Variants in ZNF700 observed in about 807,000 individuals in gnomAD.
The protein encoded by ZNF700 is zinc finger protein 700.
In ZNF700, 38 loss-of-function variants were observed where a neutral mutation model predicts 65.3. That is an observed-to-expected ratio of 0.58 (90% CI 0.45 to 0.76). The LOEUF is 0.76. Ranked by LOEUF, ZNF700 falls within the 30% of genes least tolerant of loss-of-function variation. The pLI, the probability that ZNF700 is intolerant of heterozygous loss-of-function variation, is 0.00. For missense variants in ZNF700, 857 were observed against 888.4 expected (o/e 0.96, Z 0.45); for synonymous variants, 285 against 290.4 (o/e 0.98, Z 0.19).
At position 11,946,834 on chromosome 19, in the gene ZNF700, G is replaced by T. The variant is rs186712936; in HGVS notation, c.64-347G>T. ...AGACAAGACAACACTCACACTACAA[G>T]AGGGAAAGGGTAAAGGTCACTCACG... On this transcript the variant is annotated intron_variant, in intron 1 of 3. Transcript: ENST00000254321. The T allele has an allele frequency of 1.5e-4, 31 of 200,528 alleles. No individual in the cohort carries two copies. In the East Asian group the frequency reaches 3.3e-3, roughly 22 times the overall value. The allele number at this position is 200,528 out of a possible 1,614,324, so 12.4% of individuals were successfully genotyped here. A position where few individuals can be genotyped will look rare whatever the true frequency, so the allele number is the denominator to read the frequency against.
At chr19:11,946,077 G>A (rs1281432246) in intron 1 of ZNF700, among the ~76,000 whole-genome samples, 1 of 152,172 alleles carries the variant, frequency 6.6e-6, no homozygotes, top group Non-Finnish European at 1.5e-5. Context: ...GCTCGTTAGG[G>A]GCACCTGAGC....
chr19:11,937,187 C>T (rs1225523301), intron 1 of ZNF700, among the ~76,000 whole-genome samples: 4 of 152,210 alleles, frequency 2.6e-5, no homozygotes, highest in East Asian at 1.9e-4. Flanking sequence ...ACAAGTGTTA[C>T]GTTCTAGAAG....
rs895121553 is a variant in ZNF700, at chr19:11,927,707, T to C, written c.63+2434T>C. Among the ~76,000 whole-genome samples the C allele has an allele frequency of 2.6e-5, 4 of 152,306 alleles. No homozygotes were observed. The South Asian group carries it at 8.3e-4, about 32-fold the overall frequency. Reference sequence around the variant, plus strand: ...GTGCATTAAAACATAACTATAATTATCTTGAAAGCACATATTGTTATAGGT... The same window carrying C: ...GTGCATTAAAACATAACTATAATTACCTTGAAAGCACATATTGTTATAGGT... On this transcript the variant is annotated intron_variant, in intron 1 of 3. Coordinates refer to ENST00000254321, the MANE Select transcript of ZNF700 (RefSeq NM_144566.3).
intron 1 of ZNF700, among the ~76,000 whole-genome samples, chr19:11,938,408 C>T (rs1304628313): frequency 2.6e-5 from 4 of 152,198 alleles, no homozygotes; most frequent in Non-Finnish European, 5.9e-5. Context: ...TGACAGGCCC[C>T]GGTGTGTGAT....
chr19:11,945,703 G>T (rs944938845), intron 1 of ZNF700, among the ~76,000 whole-genome samples: 2 of 151,988 alleles, frequency 1.3e-5, no homozygotes, highest in Non-Finnish European at 2.9e-5. Context: ...GTTAAGAAAA[G>T]TCTTCATTCC....
chr19:11,943,818 A>G (rs1042098632), intron 1 of ZNF700, among the ~76,000 whole-genome samples: 1 of 152,226 alleles, frequency 6.6e-6, no homozygotes, highest in Admixed American at 6.5e-5. Context: ...AATTTTAAGG[A>G]GAATAAGTCC....
chr19:11,938,569 C>G (rs13382007), intron 1 of ZNF700, among the ~76,000 whole-genome samples: 2 of 152,048 alleles, frequency 1.3e-5, no homozygotes, highest in African/African-American at 4.8e-5. Context: ...TGAACTCATC[C>G]TTTTTTGTGG....
chr19:11,940,905 A>C (rs1467080897), intron 1 of ZNF700, among the ~76,000 whole-genome samples: 5 of 151,634 alleles, frequency 3.3e-5, no homozygotes, highest in South Asian at 2.1e-4. Flanking sequence ...CTAGGTACAG[A>C]GTGTCGATTG....
intron 1 of ZNF700, among the ~76,000 whole-genome samples, chr19:11,945,843 G>A (rs539002722): frequency 2.6e-5 from 4 of 152,218 alleles, no homozygotes; most frequent in African/African-American, 9.6e-5. Flanking sequence ...GCAAGGGCAA[G>A]GAGAAGTCGG....
At position 11,949,777 on chromosome 19, in the gene ZNF700, ACT is replaced by A. The variant is rs1002936641; in HGVS notation, c.1755_1756del (p.Thr587TrpfsTer6). On this transcript the variant is annotated frameshift_variant, in exon 4 of 4. Transcript: ENST00000254321. LOFTEE classifies it high-confidence loss of function. ...SASHLRMHERTHTGEKPYECK... is the reference protein window; with the variant it reads ...SASHLRMHERXHTGEKPYECK... Reference sequence around the variant, plus strand: ...CTCACACCTTCGAATGCATGAAAGGACTCACACTGGAGAGAAACCCTATGAGT... The same window carrying A: ...CTCACACCTTCGAATGCATGAAAGGACACACTGGAGAGAAACCCTATGAGT... The A allele has an allele frequency of 6.2e-7, 1 of 1,613,258 alleles. No individual in the cohort carries two copies. The highest frequency in any genetic ancestry group is 1.3e-5 in the African/African-American group (1 of 74,676).
chr19:11,948,274 A>G lies in ZNF700; in HGVS notation c.252-2A>G, dbSNP rs970509967. 6.2e-7 allele frequency: 1 copy of G among 1,611,262 alleles called. No individual in the cohort carries two copies. On this transcript the variant is annotated splice_acceptor_variant, in intron 3 of 3. Transcript: ENST00000254321. LOFTEE classifies it high-confidence loss of function. ...TCATGATGTGTTTCTCATGTTTTACAGGAGTCTCATAGAAGAGAAAGTCAA... is the reference window on the plus strand; with the variant it reads ...TCATGATGTGTTTCTCATGTTTTACGGGAGTCTCATAGAAGAGAAAGTCAA...
At chr19:11,945,596 G>A (rs1355336333) in intron 1 of ZNF700, among the ~76,000 whole-genome samples, 4 of 152,124 alleles carry the variant, frequency 2.6e-5, no homozygotes, top group East Asian at 1.9e-4. Flanking sequence ...CTGTAGGTAC[G>A]GGGGTTTGGT....
rs1972996905 is a variant in ZNF700 at position 11,948,455 on chromosome 19, G to A, written c.431G>A (p.Ser144Asn). The change falls in exon 4 of 4, where the codon AGC becomes AAC. Residue 144 changes from serine (S) to asparagine (N), a missense_variant. Physicochemically the swap from Ser to Asn is conservative, Grantham distance 46 (BLOSUM62 1). This residue lies in a region of ZNF700 where 603 missense variants were observed against 619.9 expected (regional missense o/e 0.97). Coordinates refer to ENST00000254321, the MANE Select transcript of ZNF700 (RefSeq NM_144566.3). ...VGIGNSSFNMSIRGDTGHKAY... is the reference protein window; with the variant it reads ...VGIGNSSFNMNIRGDTGHKAY... ...ATAGGTAACTCATCTTTTAATATGA[G>A]CATCAGAGGTGACACTGGACACAAG... is the stretch of plus-strand genomic sequence containing the variant. 1 of 1,614,080 alleles carries A rather than the reference G, an allele frequency of 6.2e-7. No individual in the cohort carries two copies. The highest frequency in any genetic ancestry group is 1.1e-5 in the South Asian group (1 of 91,080).
At chr19:11,943,845 A>T (rs1050892428) in intron 1 of ZNF700, among the ~76,000 whole-genome samples, 5 of 152,244 alleles carry the variant, frequency 3.3e-5, no homozygotes, top group African/African-American at 7.2e-5. Flanking sequence ...GAGTTTCCTC[A>T]TGCTTTGGCC....
chr19:11,947,365 T>C, intron 2 of ZNF700, 58 bp downstream of exon 2: 1 of 1,610,100 alleles, frequency 6.2e-7, no homozygotes, highest in Non-Finnish European at 8.5e-7. Flanking sequence ...TTCTAGCTCA[T>C]GAATGCTGTT....
Position 11,948,880 on chromosome 19 carries a change from G to A in ZNF700, c.856G>A (p.Ala286Thr). Residue 286 changes from alanine to threonine, a missense_variant, in exon 4 of 4, where the codon GCA (alanine) becomes ACA (threonine). Physicochemically the swap from Ala to Thr is moderately conservative, Grantham distance 58. Around this residue, in one of 3 missense-constraint regions of ZNF700, gnomAD observed 603 missense variants for 619.9 expected, o/e 0.97. Transcript: ENST00000254321. ...KPYECSKCDK[A>T]FHSSSSYHRH... ...CTATGAATGTAGCAAATGTGATAAAGCATTTCATAGTTCTAGTTCCTATCA... is the reference window on the plus strand; with the variant it reads ...CTATGAATGTAGCAAATGTGATAAAACATTTCATAGTTCTAGTTCCTATCA... 1 of 1,603,550 alleles carries A rather than the reference G, an allele frequency of 6.2e-7. No homozygotes were observed. The highest frequency in any genetic ancestry group is 8.5e-7 in the Non-Finnish European group (1 of 1,177,752).
chr19:11,942,928 A>G (rs1365007642), intron 1 of ZNF700, among the ~76,000 whole-genome samples: 1 of 152,068 alleles, frequency 6.6e-6, no homozygotes, highest in Non-Finnish European at 1.5e-5. Context: ...TGAGAATCTC[A>G]CTTATTAATG....
chr19:11,937,045 A>G (rs1317452720), intron 1 of ZNF700, among the ~76,000 whole-genome samples: 4 of 152,144 alleles, frequency 2.6e-5, no homozygotes, highest in East Asian at 1.9e-4. Flanking sequence ...CCATTGGTCT[A>G]TATATCTGTT....
chr19:11,941,549 C>T (rs1391868290), intron 1 of ZNF700, among the ~76,000 whole-genome samples: 2 of 152,238 alleles, frequency 1.3e-5, no homozygotes, highest in South Asian at 2.1e-4. Flanking sequence ...GTGCTAAGCC[C>T]CTCATTGCCC....
Sources: allele counts gnomAD v4.1 joint callset (sites outside exome capture counted in the v4.1 genomes callset), GRCh38; gene constraint gnomAD v4.1.1; regional missense constraint gnomAD v4.1.1; transcripts MANE v1.5; gene names NCBI Gene and HGNC (gene_info 2026-07-23, HGNC 2026-07-21).